Variants in ENKUR observed in about 807,000 individuals in gnomAD.
ENKUR encodes enkurin.
In ENKUR, 19 loss-of-function variants were observed where a neutral mutation model predicts 27.6. That is an observed-to-expected ratio of 0.69 (90% CI 0.48 to 1.01). The LOEUF is 1.01. ENKUR is among the 50% of genes least tolerant of loss of function. The pLI is 0.00. For synonymous variants in ENKUR, 117 were observed against 96.9 expected (o/e 1.21, Z -1.22); for missense variants, 312 against 310.5 (o/e 1.00, Z -0.04).
At chr10:25,019,876 A>G (rs1468337174), upstream of ENKUR, among the ~76,000 whole-genome samples, 1 of 151,916 alleles carries the variant, frequency 6.6e-6, no homozygotes, top group Non-Finnish European at 1.5e-5. Flanking sequence ...TTTTTTTTCC[A>G]TTTCTCCGTG....
At chr10:25,004,901 G>A (rs768092174) in intron 1 of ENKUR, among the ~76,000 whole-genome samples, 1 of 152,048 alleles carries the variant, frequency 6.6e-6, no homozygotes, top group African/African-American at 2.4e-5. Context: ...TGGGTTTTAC[G>A]TTTAAGTCTT....
chr10:24,994,319 C>T (rs12784769), intron 3 of ENKUR, among the ~76,000 whole-genome samples: 1 of 146,366 alleles, frequency 6.8e-6, no homozygotes, highest in African/African-American at 2.5e-5. Context: ...ACTTATTATT[C>T]TTTAGAATTC....
chr10:25,031,771 T>G (rs1473854023), intron 2 of ENKUR, among the ~76,000 whole-genome samples: 1 of 151,830 alleles, frequency 6.6e-6, no homozygotes, highest in Non-Finnish European at 1.5e-5. Flanking sequence ...TTAAATTGCT[T>G]TCTGTTCTTG....
At chr10:25,060,821 C>T (rs1413832597) in intron 2 of ENKUR, among the ~76,000 whole-genome samples, 2 of 152,174 alleles carry the variant, frequency 1.3e-5, no homozygotes, top group Non-Finnish European at 2.9e-5. Context: ...GATCCTCCTG[C>T]CTCAGCCTCC....
At chr10:25,061,010 G>A in intron 2 of ENKUR, 2 of 1,139,984 alleles carry the variant, frequency 1.8e-6, no homozygotes, top group Non-Finnish European at 1.3e-6. Flanking sequence ...CACTGGGCCT[G>A]GCCCTTATGT....
chr10:25,037,669 C>G (rs964387695), intron 2 of ENKUR, among the ~76,000 whole-genome samples: 4 of 152,130 alleles, frequency 2.6e-5, no homozygotes, highest in African/African-American at 9.7e-5. Context: ...TTTTGCTCTT[C>G]TTTCCTTTTG....
chr10:25,024,018 C>T (rs761461483), intron 2 of ENKUR: 1 of 1,614,168 alleles, frequency 6.2e-7, no homozygotes, highest in East Asian at 2.2e-5. Flanking sequence ...ATGGTGGCCT[C>T]TTTGTTCCTG....
chr10:25,027,220 G>A (rs1239949025), intron 2 of ENKUR, among the ~76,000 whole-genome samples: 2 of 151,658 alleles, frequency 1.3e-5, no homozygotes, highest in East Asian at 3.9e-4. Context: ...GCCGGGCGTG[G>A]TGGCAGGCAC....
chr10:25,027,357 CA>C (rs71399946), intron 2 of ENKUR, among the ~76,000 whole-genome samples: 281 of 48,460 alleles, frequency 5.8e-3, no homozygotes, highest in Middle Eastern at 0.021. Flanking sequence ...ACTCCCGTCT[CA>C]AAAAAAAAAA....
At chr10:24,989,276 T>G (rs1029788535) in intron 4 of ENKUR, among the ~76,000 whole-genome samples, 2 of 152,212 alleles carry the variant, frequency 1.3e-5, no homozygotes, top group African/African-American at 4.8e-5. Context: ...CCTTCCTGCC[T>G]GTCTGCCTTC....
At chr10:25,043,748 A>G (rs926749788) in intron 2 of ENKUR, among the ~76,000 whole-genome samples, 1 of 152,126 alleles carries the variant, frequency 6.6e-6, no homozygotes, top group Non-Finnish European at 1.5e-5. Context: ...GCATTGTTCT[A>G]AGGTTCTCAA....
chr10:25,057,380 TACACACACAC>T (rs139515865), intron 2 of ENKUR, among the ~76,000 whole-genome samples: 1,987 of 117,784 alleles, frequency 0.017, 27 homozygotes, highest in African/African-American at 0.049. Flanking sequence ...TGCACTTTGG[TACACACACAC>T]ACACACACAC....
Position 24,984,382 on chromosome 10 carries a change from G to GAAAAAAAAAAA in ENKUR, c.765-17_765-7dup. 7.2e-7 allele frequency: 1 copy of GAAAAAAAAAAA among 1,397,962 alleles called. No homozygotes were observed. Among genetic ancestry groups the GAAAAAAAAAAA allele is most frequent in the Non-Finnish European group, 9.3e-7 (1 of 1,075,834 alleles). The allele number at this position is 1,397,962 out of a possible 1,614,324, so 86.6% of individuals were successfully genotyped here. Reference sequence around the variant, plus strand: ...TGTGCTGTTGGTATCATGCGCTGCAGAAAAAAAAAAAAAAAAGTGAAGTTC... The same window carrying GAAAAAAAAAAA: ...TGTGCTGTTGGTATCATGCGCTGCAGAAAAAAAAAAAAAAAAAAAAAAAAAAAGTGAAGTTC... On this transcript the variant is annotated splice_polypyrimidine_tract_variant and splice_region_variant and intron_variant, in intron 5 of 5. Transcript: ENST00000331161.
chr10:25,059,609 G>C (rs1425748381), intron 2 of ENKUR, among the ~76,000 whole-genome samples: 1 of 152,140 alleles, frequency 6.6e-6, no homozygotes, highest in Non-Finnish European at 1.5e-5. Flanking sequence ...CCAGTGCCTG[G>C]TACCCCCACT....
chr10:24,997,493 C>A (rs943653142), intron 2 of ENKUR, among the ~76,000 whole-genome samples: 2 of 151,016 alleles, frequency 1.3e-5, no homozygotes, highest in African/African-American at 4.9e-5. Flanking sequence ...CTCAGGTGAT[C>A]CTCCCACCTG....
chr10:25,011,494 A>G (rs1018540792), intron 1 of ENKUR, among the ~76,000 whole-genome samples: 1 of 152,192 alleles, frequency 6.6e-6, no homozygotes, highest in Non-Finnish European at 1.5e-5. Context: ...AGGATTCCCT[A>G]TTTAATAAAT....
chr10:25,026,890 A>G (rs1850864470), intron 2 of ENKUR, among the ~76,000 whole-genome samples: 2 of 152,028 alleles, frequency 1.3e-5, no homozygotes, highest in Admixed American at 6.5e-5. Flanking sequence ...GCTTCTAAAA[A>G]GGAGGTTCTA....
chr10:25,051,063 G>A (rs1193485503), intron 2 of ENKUR, among the ~76,000 whole-genome samples: 1 of 151,648 alleles, frequency 6.6e-6, no homozygotes, highest in Non-Finnish European at 1.5e-5. Context: ...TGTATTTTAT[G>A]TATCCTTGGA....
At chr10:25,032,185 C>G (rs1367661245) in intron 2 of ENKUR, among the ~76,000 whole-genome samples, 1 of 152,052 alleles carries the variant, frequency 6.6e-6, no homozygotes, top group Non-Finnish European at 1.5e-5. Flanking sequence ...AATTGCTGGA[C>G]TTCACTGTAT....
Sources: gnomAD v4.1 joint callset for allele counts (sites outside exome capture counted in the v4.1 genomes callset) on GRCh38, gnomAD v4.1.1 for gene constraint, MANE v1.5 for transcripts, NCBI Gene and HGNC (gene_info 2026-07-23, HGNC 2026-07-21) for gene names.